The following RSF1 variants were observed in gnomAD, a reference collection of about 807,000 sequenced individuals.
The protein encoded by RSF1 is HBV pX-associated protein 8.
A neutral mutation model predicts 145.2 loss-of-function variants in RSF1; 13 were observed. The observed-to-expected ratio is 0.09, with a 90% CI of 0.06 to 0.14. RSF1 has a LOEUF of 0.14. Among genes scored for constraint, RSF1 ranks in the 10% least tolerant of loss-of-function variants. The pLI, the probability that RSF1 is intolerant of heterozygous loss-of-function variation, is 1.00. For missense variants in RSF1, 1,517 were observed against 1,718.2 expected (o/e 0.88, Z 2.07); for synonymous variants, 577 against 592.6 (o/e 0.97, Z 0.38).
Position 77,667,038 on chromosome 11 carries a change from G to A in RSF1, c.4205C>T (p.Ala1402Val). Residue 1402 changes from alanine (A) to valine (V), a missense_variant, in exon 16 of 16, where the codon GCA (alanine) becomes GTA (valine). Transcript: ENST00000308488. ...QTPKDNSTAS[A>V]SLASNGTSGG... ...ACTTGTCCCATTGGAGGCTAGGCTTGCACTGGCTGTGCTGTTGTCCTTGGG... is the reference window on the plus strand; with the variant it reads ...ACTTGTCCCATTGGAGGCTAGGCTTACACTGGCTGTGCTGTTGTCCTTGGG... The A allele has an allele frequency of 6.2e-7, 1 of 1,613,942 alleles. No individual in the cohort carries two copies. Among genetic ancestry groups the A allele is most frequent in the Non-Finnish European group, 8.5e-7 (1 of 1,179,832 alleles).
intron 4 of RSF1, among the ~76,000 whole-genome samples, chr11:77,740,401 A>G (rs778275084): frequency 6.6e-6 from 1 of 152,192 alleles, no homozygotes; most frequent in Non-Finnish European, 1.5e-5. Flanking sequence ...CTATAGCTAA[A>G]TAAGAACCAA....
chr11:77,866,085 T>C, the RSF1 span, among the ~76,000 whole-genome samples: 1 of 152,248 alleles, frequency 6.6e-6, no homozygotes. Context: ...GCATTGCTAC[T>C]ACCCATTTAT....
the RSF1 span, among the ~76,000 whole-genome samples, chr11:77,861,079 A>G: frequency 6.6e-6 from 1 of 152,062 alleles, no homozygotes; most frequent in Non-Finnish European, 1.5e-5. Flanking sequence ...AGAATCCTTT[A>G]ATTTAATTTG....
chr11:77,807,525 C>T (rs1296623578), intron 1 of RSF1, among the ~76,000 whole-genome samples: 1 of 152,102 alleles, frequency 6.6e-6, no homozygotes, highest in Non-Finnish European at 1.5e-5. Flanking sequence ...AAGGAACACA[C>T]CATGCAAAGT....
intron 1 of RSF1, among the ~76,000 whole-genome samples, chr11:77,786,459 A>C (rs1422821458): frequency 6.6e-6 from 1 of 152,194 alleles, no homozygotes; most frequent in Non-Finnish European, 1.5e-5. Context: ...TTTTCACTCA[A>C]GCCAGGAGTA....
chr11:77,694,188 A>G (rs960783651), intron 7 of RSF1, among the ~76,000 whole-genome samples: 3 of 152,358 alleles, frequency 2.0e-5, no homozygotes, highest in Admixed American at 2.0e-4. Context: ...CATTCAGTAT[A>G]TAGTCATAAA....
chr11:77,703,394 T>G (rs2135856441), intron 5 of RSF1: 1 of 152,332 alleles, frequency 6.6e-6, no homozygotes, highest in South Asian at 2.1e-4. Context: ...CAGAATTCAT[T>G]GACTACTAAT....
the RSF1 span, among the ~76,000 whole-genome samples, chr11:77,859,168 T>C: frequency 6.6e-6 from 1 of 152,228 alleles, no homozygotes; most frequent in African/African-American, 2.4e-5. Context: ...CCTCCTGAGG[T>C]TCCCCATTCT....
chr11:77,782,115 G>C (rs543640306), intron 1 of RSF1, among the ~76,000 whole-genome samples: 9 of 152,052 alleles, frequency 5.9e-5, no homozygotes, highest in Non-Finnish European at 8.8e-5. Flanking sequence ...AATTTCTATA[G>C]ACAGCATATA....
At chr11:77,760,951 C>T (rs1433977217) in intron 2 of RSF1, among the ~76,000 whole-genome samples, 3 of 151,868 alleles carry the variant, frequency 2.0e-5, no homozygotes, top group Admixed American at 2.0e-4. Context: ...CTCGCTCTGT[C>T]ACCAGGGTGG....
At chr11:77,673,747 T>TTA (rs1959618489) in intron 14 of RSF1, among the ~76,000 whole-genome samples, 1 of 152,096 alleles carries the variant, frequency 6.6e-6, no homozygotes, top group Non-Finnish European at 1.5e-5. Context: ...TAAGGAAAAA[T>TTA]AATAAAGAGA....
At chr11:77,829,108 TAACTA>T in the RSF1 span, among the ~76,000 whole-genome samples, 1 of 152,178 alleles carries the variant, frequency 6.6e-6, no homozygotes, top group Non-Finnish European at 1.5e-5. Flanking sequence ...AGGAAGGAGT[TAACTA>T]AAGTTAAACA....
intron 1 of RSF1, among the ~76,000 whole-genome samples, chr11:77,765,053 G>T (rs577869930): frequency 1.2e-4 from 18 of 152,072 alleles, no homozygotes; most frequent in African/African-American, 4.3e-4. Context: ...ATGAGTATGG[G>T]GACAGGGATA....
intron 4 of RSF1, among the ~76,000 whole-genome samples, chr11:77,735,269 T>C (rs544309601): frequency 1.3e-5 from 2 of 152,282 alleles, no homozygotes; most frequent in East Asian, 1.9e-4. Flanking sequence ...CTTGCAGAAA[T>C]GGAAGTTGCT....
chr11:77,693,091 T>C (rs896817526), intron 8 of RSF1, among the ~76,000 whole-genome samples: 11 of 152,150 alleles, frequency 7.2e-5, no homozygotes, highest in South Asian at 4.1e-4. Context: ...TTGCCTAAGA[T>C]AGAAGAGAAA....
chr11:77,767,140 T>C (rs1306327327), intron 1 of RSF1, among the ~76,000 whole-genome samples: 1 of 152,238 alleles, frequency 6.6e-6, no homozygotes, highest in East Asian at 1.9e-4. Flanking sequence ...GGCTATCTCA[T>C]GGAATTTTGA....
At chr11:77,686,940 T>C (rs1342473040) in intron 9 of RSF1, among the ~76,000 whole-genome samples, 2 of 152,168 alleles carry the variant, frequency 1.3e-5, no homozygotes, top group Admixed American at 1.3e-4. Flanking sequence ...AAGGGTTGCT[T>C]AGGGAGTAAA....
chr11:77,800,824 T>C (rs1948618479), intron 1 of RSF1, among the ~76,000 whole-genome samples: 1 of 152,190 alleles, frequency 6.6e-6, no homozygotes, highest in African/African-American at 2.4e-5. Context: ...ATTGCACCAC[T>C]GCACTCCAGC....
rs1331654160 is a variant in RSF1 at position 77,660,083 on chromosome 11, T to C, written c.*6834A>G. 6.6e-6 allele frequency: 1 copy of C among 152,200 alleles called. No homozygotes were observed. Among genetic ancestry groups the C allele is most frequent in the Non-Finnish European group, 1.5e-5 (1 of 68,022 alleles). 9.4% of individuals were successfully genotyped at this position (152,200 alleles called of 1,614,324 possible). A position where few individuals can be genotyped will look rare whatever the true frequency, so the allele number is the denominator to read the frequency against. On this transcript the variant is annotated 3_prime_UTR_variant, in exon 16 of 16. Coordinates refer to ENST00000308488, the MANE Select transcript of RSF1 (RefSeq NM_016578.4). Reference sequence around the variant, plus strand: ...TGACAGAAGTATTATAATAAAACATTTTGAAAGAAAAAGTTACACAATTAG... The same window carrying C: ...TGACAGAAGTATTATAATAAAACATCTTGAAAGAAAAAGTTACACAATTAG...
Sources: gnomAD v4.1 joint callset for allele counts (sites outside exome capture counted in the v4.1 genomes callset) on GRCh38, gnomAD v4.1.1 for gene constraint, MANE v1.5 for transcripts, NCBI Gene and HGNC (gene_info 2026-07-23, HGNC 2026-07-21) for gene names.